The following TMEM39B variants were observed in gnomAD, a reference collection of about 807,000 sequenced individuals.
The protein encoded by TMEM39B is transmembrane protein 39B.
In TMEM39B, 23 loss-of-function variants were observed where a neutral mutation model predicts 52.2. That is an observed-to-expected ratio of 0.44 (90% confidence interval 0.32 to 0.62). TMEM39B has a LOEUF of 0.62. Ranked by LOEUF, TMEM39B falls within the 20% of genes least tolerant of loss-of-function variation. The pLI is 0.06. For missense variants in TMEM39B, 547 were observed against 642.0 expected (o/e 0.85, Z 1.60); for synonymous variants, 285 against 264.0 (o/e 1.08, Z -0.77).
At chr1:32,102,300 G>C (rs1009616757) in intron 8 of TMEM39B, 131 bp from the exon 9 acceptor site, 11 of 1,270,754 alleles carry the variant, frequency 8.7e-6, no homozygotes, top group Non-Finnish European at 1.1e-5. Flanking sequence ...ACCCCAGAAA[G>C]TCTTCTTCCC....
At chr1:32,093,399 CTTTTTTTT>C (rs34793281) in intron 6 of TMEM39B, among the ~76,000 whole-genome samples, 4,362 of 50,394 alleles carry the variant, frequency 0.087, 269 homozygotes, top group South Asian at 0.29. Context: ...AAGCCCGGCC[CTTTTTTTT>C]TTTTTTTTTT....
chr1:32,094,610 A>G (rs561916975), intron 6 of TMEM39B, among the ~76,000 whole-genome samples, 174 bp from the exon 7 acceptor site: 8 of 152,256 alleles, frequency 5.3e-5, no homozygotes, highest in Non-Finnish European at 8.8e-5. Flanking sequence ...TAGAAAACCA[A>G]CTAGTGGGCA....
At chr1:32,091,479 G>A (rs893197309) in intron 5 of TMEM39B, among the ~76,000 whole-genome samples, 196 bp from the exon 6 acceptor site, 2 of 152,214 alleles carry the variant, frequency 1.3e-5, no homozygotes, top group Non-Finnish European at 2.9e-5. Context: ...TGCTTGGCAC[G>A]TACCGAGTGG....
intron 8 of TMEM39B, 185 bp downstream of exon 8, chr1:32,100,747 C>T (rs765897790): frequency 1.0e-5 from 8 of 774,676 alleles, no homozygotes; most frequent in South Asian, 1.7e-5. Context: ...GCAGCTCGGC[C>T]GGGCATGGTG....
intron 5 of TMEM39B, among the ~76,000 whole-genome samples, chr1:32,084,494 T>C (rs1382259066): frequency 6.6e-6 from 1 of 152,148 alleles, no homozygotes; most frequent in Non-Finnish European, 1.5e-5. Flanking sequence ...TGGAGATGAG[T>C]CCTTGCATGT....
intron 5 of TMEM39B, among the ~76,000 whole-genome samples, chr1:32,083,857 C>T (rs1379289493): frequency 6.6e-6 from 1 of 152,010 alleles, no homozygotes; most frequent in Non-Finnish European, 1.5e-5. Context: ...GCCATCCTCC[C>T]ATCTCAGCCT....
intron 6 of TMEM39B, among the ~76,000 whole-genome samples, chr1:32,094,414 T>C (rs1640735330): frequency 6.6e-6 from 1 of 152,136 alleles, no homozygotes; most frequent in South Asian, 2.1e-4. Context: ...TGTGAGCCAC[T>C]GCGCTGGGCC....
At chr1:32,072,660 C>A (rs1283946308), upstream of TMEM39B, among the ~76,000 whole-genome samples, 1 of 152,186 alleles carries the variant, frequency 6.6e-6, no homozygotes, top group Non-Finnish European at 1.5e-5. Context: ...TATGGTCCAC[C>A]CCTAGGGGAG....
rs80139954 is a variant in TMEM39B, at chr1:32,075,452, C to T, written c.132-151C>T. On this transcript the variant is annotated intron_variant, in intron 2 of 8. Coordinates refer to ENST00000336294, the MANE Select transcript of TMEM39B (RefSeq NM_018056.4). ...GATTAGGGATAGGAAAAGGCTTTGT[C>T]GGGTTCCTTTGTCTGACAAGCAGGA... 1.7e-3 allele frequency: 1,321 copies of T among 785,942 alleles called. 7 individuals are homozygous for T. In the African/African-American group the frequency reaches 0.021, roughly 12 times the overall value. 48.7% of individuals were successfully genotyped at this position (785,942 alleles called of 1,614,324 possible).
upstream of TMEM39B, chr1:32,072,263 C>T (rs886300341): frequency 1.0e-4 from 15 of 150,308 alleles, no homozygotes; most frequent in Admixed American, 9.4e-4. Context: ...CTCATTTAGT[C>T]AATGCTTCTC....
intron 5 of TMEM39B, among the ~76,000 whole-genome samples, chr1:32,088,084 C>G (rs968107241): frequency 6.7e-6 from 1 of 149,096 alleles, no homozygotes; most frequent in African/African-American, 2.5e-5. Flanking sequence ...TGAGATCTCG[C>G]CACTGTACTC....
chr1:32,076,670 G>A (rs1639875068), intron 3 of TMEM39B, 93 bp from the exon 4 acceptor site: 4 of 1,285,338 alleles, frequency 3.1e-6, no homozygotes, highest in South Asian at 2.4e-5. Flanking sequence ...GACAGTCTCT[G>A]TGGAAAGAAA....
At chr1:32,092,389 C>G (rs1640643288) in intron 6 of TMEM39B, among the ~76,000 whole-genome samples, 1 of 152,166 alleles carries the variant, frequency 6.6e-6, no homozygotes, top group East Asian at 1.9e-4. Context: ...AATTCCTAGT[C>G]TTAAATGGTC....
chr1:32,096,535 T>C (rs971951233), intron 7 of TMEM39B, among the ~76,000 whole-genome samples: 1 of 144,594 alleles, frequency 6.9e-6, no homozygotes, highest in Non-Finnish European at 1.5e-5. Context: ...TCTTGGCTCA[T>C]TGCAATCTCC....
At chr1:32,093,121 C>T (rs1194921693) in intron 6 of TMEM39B, among the ~76,000 whole-genome samples, 6 of 151,874 alleles carry the variant, frequency 4.0e-5, no homozygotes, top group South Asian at 2.1e-4. Context: ...TTTTTTTAGA[C>T]GGAGTCTCGC....
chr1:32,073,171 G>A (rs1370638764), intron 1 of TMEM39B, 120 bp downstream of exon 1: 3 of 1,281,586 alleles, frequency 2.3e-6, no homozygotes, highest in Non-Finnish European at 2.0e-6. Flanking sequence ...GAGGGGATGC[G>A]AGCGCAGACG....
intron 5 of TMEM39B, among the ~76,000 whole-genome samples, chr1:32,091,412 A>G (rs559554632): frequency 7.2e-5 from 11 of 152,294 alleles, no homozygotes; most frequent in African/African-American, 2.6e-4. Flanking sequence ...GAGTGCAGGG[A>G]CTTGTCTCTT....
chr1:32,088,499 C>T (rs562553090), intron 5 of TMEM39B, among the ~76,000 whole-genome samples: 1 of 151,610 alleles, frequency 6.6e-6, no homozygotes, highest in East Asian at 1.9e-4. Flanking sequence ...CTTCGTCTGT[C>T]ATCATGTCTC....
At chr1:32,097,857 C>T (rs1330189708) in intron 7 of TMEM39B, among the ~76,000 whole-genome samples, 1 of 152,034 alleles carries the variant, frequency 6.6e-6, no homozygotes, top group Non-Finnish European at 1.5e-5. Context: ...TGGTCTCAAT[C>T]TCCTGACCTC....
Sources: gnomAD v4.1 joint callset for allele counts (sites outside exome capture counted in the v4.1 genomes callset) on GRCh38, gnomAD v4.1.1 for gene constraint, MANE v1.5 for transcripts, NCBI Gene and HGNC (gene_info 2026-07-23, HGNC 2026-07-21) for gene names.